ACOX2: variants seen among roughly 807,000 people sequenced by gnomAD.
ACOX2 encodes the protein peroxisomal acyl-coenzyme A oxidase 2.
In ACOX2, 59 loss-of-function variants were observed where a neutral mutation model predicts 77.5. The observed-to-expected ratio is 0.76, with a 90% CI of 0.62 to 0.95. The LOEUF is 0.95. Ranked by LOEUF, ACOX2 falls within the 40% of genes least tolerant of loss-of-function variation. The pLI, the probability that ACOX2 is intolerant of heterozygous loss-of-function variation, is 0.00. For synonymous variants in ACOX2, 317 were observed against 340.1 expected (o/e 0.93, Z 0.75); for missense variants, 837 against 880.4 (o/e 0.95, Z 0.62).
intron 13 of ACOX2, among the ~76,000 whole-genome samples, chr3:58,510,825 C>T (rs1199598236): frequency 1.3e-5 from 2 of 149,578 alleles, no homozygotes; most frequent in Non-Finnish European, 3.0e-5. Context: ...TTTGTGCCAC[C>T]ACCTTTGTAA....
At chr3:58,517,638 G>C (rs189515863) in intron 12 of ACOX2, among the ~76,000 whole-genome samples, 2 of 142,926 alleles carry the variant, frequency 1.4e-5, no homozygotes, top group East Asian at 2.3e-4. Context: ...GGACGGGGGG[G>C]ACTGGTGGGC....
rs566762572 is a variant in ACOX2 at position 58,529,118 on chromosome 3, A to G, written c.993-162T>C. On this transcript the variant is annotated intron_variant, in intron 8 of 14. Coordinates refer to ENST00000302819, the MANE Select transcript of ACOX2 (RefSeq NM_003500.4). ...GATAATCCTTTAAAAATCCCATCTA[A>G]CATGAACATCCACACATTTCACTGC... 12 of 638,720 alleles carry G rather than the reference A, an allele frequency of 1.9e-5. No homozygotes were observed. In the Admixed American group the frequency reaches 4.4e-4, roughly 23 times the overall value. 39.6% of individuals were successfully genotyped at this position (638,720 alleles called of 1,614,324 possible).
At chr3:58,532,302 T>C (rs576259416) in intron 5 of ACOX2, among the ~76,000 whole-genome samples, 4 of 152,350 alleles carry the variant, frequency 2.6e-5, no homozygotes, top group African/African-American at 9.6e-5. Context: ...GTCTTCATTT[T>C]TGACAGTGGT....
chr3:58,523,215 T>TGTGTAAAAAAAAC lies in ACOX2; in HGVS notation c.1527-615_1527-614insGTTTTTTTTACAC, dbSNP rs2063372180. 1.3e-5 allele frequency among the ~76,000 whole-genome samples: 2 copies of TGTGTAAAAAAAAC among 152,256 alleles called. No homozygotes were observed. The highest frequency in any genetic ancestry group is 4.8e-5 in the African/African-American group (2 of 41,466). Reference sequence around the variant, plus strand: ...GAATTTGTGTGTAAAGCAAACTGTTTATTAAGCAATATGTTTTTTGCTTTG... The same window carrying TGTGTAAAAAAAAC: ...GAATTTGTGTGTAAAGCAAACTGTTTGTGTAAAAAAAACATTAAGCAATATGTTTTTTGCTTTG... On this transcript the variant is annotated intron_variant, in intron 11 of 14. Coordinates refer to ENST00000302819, the MANE Select transcript of ACOX2 (RefSeq NM_003500.4). The surrounding 1 kb of genome is among the most constrained non-coding windows in gnomAD (Gnocchi z 5.3).
intron 13 of ACOX2, chr3:58,511,344 C>T: frequency 2.7e-6 from 1 of 370,568 alleles, no homozygotes; most frequent in Non-Finnish European, 5.3e-6. Flanking sequence ...GAAAGTGGTG[C>T]TGGTCCTGGC....
rs774296304 is a variant in ACOX2, at chr3:58,531,651, C to T, written c.703+42G>A. Reference sequence around the variant, plus strand: ...CCAGGTCAGGGAGGCCACCTGGGCTCTCCTCCTGGCAGGGTTCCTTGAGGG... The same window carrying T: ...CCAGGTCAGGGAGGCCACCTGGGCTTTCCTCCTGGCAGGGTTCCTTGAGGG... On this transcript the variant is annotated intron_variant, in intron 6 of 14. Coordinates refer to ENST00000302819, the MANE Select transcript of ACOX2 (RefSeq NM_003500.4). This position sits in a 1 kb window ranked among gnomAD's most constrained non-coding sequence, Gnocchi z 5.8. 1.2e-6 allele frequency: 2 copies of T among 1,603,400 alleles called. No homozygotes were observed. The highest frequency in any genetic ancestry group is 1.7e-6 in the Non-Finnish European group (2 of 1,174,276).
Position 58,534,126 on chromosome 3 carries a change from C to T in ACOX2, c.343G>A (p.Ala115Thr). The T allele has an allele frequency of 1.2e-6, 2 of 1,614,164 alleles. No individual in the cohort carries two copies. The highest frequency in any genetic ancestry group is 1.7e-6 in the Non-Finnish European group (2 of 1,180,034). The change falls in exon 4 of 15, where the codon GCC becomes ACC. Residue 115 changes from alanine (A) to threonine (T), a missense_variant. Ala to Thr is a moderately conservative substitution (Grantham distance 58, BLOSUM62 0). Coordinates refer to ENST00000302819, the MANE Select transcript of ACOX2 (RefSeq NM_003500.4). The surrounding 1 kb of genome is among the most constrained non-coding windows in gnomAD (Gnocchi z 4.8). ...ACGAAGACTCTGTGTATATTTAAGG[C>T]CACGTCTCCAGAAAGGGCTCTGTTG... ...YAYRALSGDVALNIHRVFVRA... is the reference protein window; with the variant it reads ...YAYRALSGDVTLNIHRVFVRA...
chr3:58,516,685 A>C (rs533827584), intron 13 of ACOX2, among the ~76,000 whole-genome samples: 31 of 152,214 alleles, frequency 2.0e-4, no homozygotes, highest in African/African-American at 5.8e-4. Context: ...TAAAAATACA[A>C]AAATTAGCTG....
Position 58,534,116 on chromosome 3 carries a change from A to G in ACOX2, c.353T>C (p.Ile118Thr), listed in dbSNP as rs370974428. The G allele has an allele frequency of 3.7e-6, 6 of 1,614,070 alleles. No individual in the cohort carries two copies. In the African/African-American group the frequency reaches 4.0e-5, roughly 11 times the overall value. The change falls in exon 4 of 15, where the codon ATA (isoleucine) becomes ACA (threonine). Residue 118 changes from isoleucine to threonine, a missense_variant. Physicochemically the swap from Ile to Thr is moderately conservative, Grantham distance 89 (BLOSUM62 -1). Coordinates refer to ENST00000302819, the MANE Select transcript of ACOX2 (RefSeq NM_003500.4). The surrounding 1 kb of genome is among the most constrained non-coding windows in gnomAD (Gnocchi z 4.8). Reference sequence around the variant, plus strand: ...GAGGGCTCTCACGAAGACTCTGTGTATATTTAAGGCCACGTCTCCAGAAAG... The same window carrying G: ...GAGGGCTCTCACGAAGACTCTGTGTGTATTTAAGGCCACGTCTCCAGAAAG... ...RALSGDVALN[I>T]HRVFVRALRS...
In ACOX2 at chr3:58,505,294, T is replaced by G; in HGVS notation, c.1984-8A>C. 1 of 1,610,846 alleles carries G rather than the reference T, an allele frequency of 6.2e-7. No individual in the cohort carries two copies. The highest frequency in any genetic ancestry group is 1.1e-5 in the South Asian group (1 of 90,258). ...CTCATAGGCAGGGTTCTCCTGTTTG[T>G]AGAAAGAAACGCATTATTAACACAG... On this transcript the variant is annotated splice_polypyrimidine_tract_variant and splice_region_variant and intron_variant, in intron 14 of 14. Coordinates refer to ENST00000302819, the MANE Select transcript of ACOX2 (RefSeq NM_003500.4). The surrounding 1 kb of genome is among the most constrained non-coding windows in gnomAD (Gnocchi z 4.4).
chr3:58,536,931 A>G (rs970085904), intron 1 of ACOX2, among the ~76,000 whole-genome samples, 188 bp downstream of exon 1: 1 of 152,218 alleles, frequency 6.6e-6, no homozygotes, highest in East Asian at 1.9e-4. Flanking sequence ...CAGAAACTGC[A>G]AGAGGGCCGG....
Position 58,514,042 on chromosome 3 carries a change from G to T in ACOX2, c.1850+3164C>A, listed in dbSNP as rs952674516. On this transcript the variant is annotated intron_variant, in intron 13 of 14. Transcript: ENST00000302819. This position sits in a 1 kb window ranked among gnomAD's most constrained non-coding sequence, Gnocchi z 4.3. ...CAGTATTTGGCCTATAAAGAACCCT[G>T]TGTTTTCTGAAGGGTAGCCTTATTA... 2.6e-5 allele frequency among the ~76,000 whole-genome samples: 4 copies of T among 152,132 alleles called. No homozygotes were observed. The highest frequency in any genetic ancestry group is 9.7e-5 in the African/African-American group (4 of 41,432).
chr3:58,509,138 C>A, intron 13 of ACOX2, 113 bp from the exon 14 acceptor site: 3 of 1,271,284 alleles, frequency 2.4e-6, no homozygotes, highest in South Asian at 2.8e-5. Flanking sequence ...ATTCGCTTTT[C>A]AAACAATTCA....
At chr3:58,527,157 A>G (rs1390062404) in intron 9 of ACOX2, among the ~76,000 whole-genome samples, 6 of 152,100 alleles carry the variant, frequency 3.9e-5, no homozygotes, top group Admixed American at 3.9e-4. Flanking sequence ...AGGAGGTATT[A>G]TGATGGTAGT....
rs1203724771 is a variant in ACOX2, at chr3:58,528,509, C to T, written c.1155+285G>A. Among the ~76,000 whole-genome samples the T allele has an allele frequency of 2.0e-5, 3 of 152,272 alleles. No individual in the cohort carries two copies. The highest frequency in any genetic ancestry group is 2.9e-5 in the Non-Finnish European group (2 of 68,018). On this transcript the variant is annotated intron_variant, in intron 9 of 14. Transcript: ENST00000302819. This position sits in a 1 kb window ranked among gnomAD's most constrained non-coding sequence, Gnocchi z 5.6. Reference sequence around the variant, plus strand: ...AAATGAGTTCCAAACAACTGTTTTTCGGAGCTTTTCAGGTTTCAAATACAC... The same window carrying T: ...AAATGAGTTCCAAACAACTGTTTTTTGGAGCTTTTCAGGTTTCAAATACAC...
In ACOX2 at chr3:58,524,346, C is replaced by A. The variant is rs1416123467; in HGVS notation, c.1526+80G>T. Reference sequence around the variant, plus strand: ...TTTTAGAACTGAATCCACGAATGTCCACCCAACCAATCCAAAGGCCCTAGT... The same window carrying A: ...TTTTAGAACTGAATCCACGAATGTCAACCCAACCAATCCAAAGGCCCTAGT... On this transcript the variant is annotated intron_variant, in intron 11 of 14. Coordinates refer to ENST00000302819, the MANE Select transcript of ACOX2 (RefSeq NM_003500.4). The surrounding 1 kb of genome is among the most constrained non-coding windows in gnomAD (Gnocchi z 5.5). 1.3e-6 allele frequency: 2 copies of A among 1,530,680 alleles called. No individual in the cohort carries two copies. The highest frequency in any genetic ancestry group is 3.7e-5 in the Admixed American group (2 of 53,858). The allele number at this position is 1,530,680 out of a possible 1,614,324, so 94.8% of individuals were successfully genotyped here.
In ACOX2 at chr3:58,534,844, G is replaced by A; in HGVS notation, c.160+103C>T. On this transcript the variant is annotated intron_variant, in intron 2 of 14. Transcript: ENST00000302819. This position sits in a 1 kb window ranked among gnomAD's most constrained non-coding sequence, Gnocchi z 4.8. The stretch of plus-strand genomic sequence containing the variant: ...GAATCTCTAACAGTGGAATTTCAAG[G>A]GCAAAGTTTGTTATTTGGAAGCAGA... 1 of 1,548,900 alleles carries A rather than the reference G, an allele frequency of 6.5e-7. No homozygotes were observed. Among genetic ancestry groups the A allele is most frequent in the African/African-American group, 1.4e-5 (1 of 73,654 alleles).
intron 13 of ACOX2, among the ~76,000 whole-genome samples, chr3:58,510,172 C>T (rs558450910): frequency 6.6e-6 from 1 of 152,134 alleles, no homozygotes; most frequent in African/African-American, 2.4e-5. Context: ...GATTGTGTGT[C>T]ATTAAAGCAT....
Position 58,526,343 on chromosome 3 carries a change from C to G in ACOX2, c.1346+123G>C. 8.6e-7 allele frequency: 1 copy of G among 1,159,362 alleles called. No homozygotes were observed. The highest frequency in any genetic ancestry group is 1.6e-5 in the South Asian group (1 of 61,544). 71.8% of individuals were successfully genotyped at this position (1,159,362 alleles called of 1,614,324 possible). On this transcript the variant is annotated intron_variant, in intron 10 of 14. Transcript: ENST00000302819. The surrounding 1 kb of genome is among the most constrained non-coding windows in gnomAD (Gnocchi z 4.3). Reference sequence around the variant, plus strand: ...TTAGTCATACTGGGGAATTGGACAGCTCCCAAATAGCACTTCGCAAAGCCT... The same window carrying G: ...TTAGTCATACTGGGGAATTGGACAGGTCCCAAATAGCACTTCGCAAAGCCT...
Sources: allele counts gnomAD v4.1 joint callset (sites outside exome capture counted in the v4.1 genomes callset), GRCh38; gene constraint gnomAD v4.1.1; non-coding constraint Gnocchi (gnomAD v3.1); transcripts MANE v1.5; gene names NCBI Gene and HGNC (gene_info 2026-07-23, HGNC 2026-07-21).